ELP2: variants seen among roughly 807,000 people sequenced by gnomAD.
The protein encoded by ELP2 is elongator complex protein 2.
A neutral mutation model predicts 119.2 loss-of-function variants in ELP2; 90 were observed. That is an observed-to-expected ratio of 0.75 (90% confidence interval 0.64 to 0.90). ELP2 has a LOEUF of 0.90. ELP2 is among the 40% of genes least tolerant of loss of function. The pLI, the probability that ELP2 is intolerant of heterozygous loss-of-function variation, is 0.00. For missense variants in ELP2, 921 were observed against 967.8 expected, an observed-to-expected ratio of 0.95 and a Z score of 0.64; for synonymous variants, 339 against 331.0, an observed-to-expected ratio of 1.02 and a Z score of -0.26.
rs1297020373 is a variant in ELP2 at position 36,176,945 on chromosome 18, C to T, written c.*2304C>T. 1 of 151,952 alleles carries T rather than the reference C, an allele frequency of 6.6e-6. No homozygotes were observed. Among genetic ancestry groups the T allele is most frequent in the Non-Finnish European group, 1.5e-5 (1 of 68,002 alleles). The allele number at this position is 151,952 out of a possible 1,614,324, so 9.4% of individuals were successfully genotyped here. A position where few individuals can be genotyped will look rare whatever the true frequency, so the allele number is the denominator to read the frequency against. On this transcript the variant is annotated 3_prime_UTR_variant, in exon 22 of 22. Transcript: ENST00000358232. ...CCAACAATGGGCCCTTTCCTGTCTG[C>T]CAGGAAAAGTTTTCTGTAGTGACGC...
At position 36,156,522 on chromosome 18, in the gene ELP2, G is replaced by A; in HGVS notation, c.1332G>A (p.Leu444=). ...TACATGGGTATGACCTGAAATGTTT[G>A]GCAATGATTAATCGGTTTCAGTTTG... ...PQIHGYDLKC[L]AMINRFQFVS... is the part of the protein sequence containing the mutation. The change falls in exon 13 of 22, where the codon TTG becomes TTA. Residue 444 remains leucine (L), a synonymous_variant. Transcript: ENST00000358232. The A allele has an allele frequency of 6.2e-7, 1 of 1,614,076 alleles. No homozygotes were observed. Among genetic ancestry groups the A allele is most frequent in the Non-Finnish European group, 8.5e-7 (1 of 1,179,980 alleles).
chr18:36,159,473 G>A (rs2090666324), intron 14 of ELP2, among the ~76,000 whole-genome samples: 1 of 152,194 alleles, frequency 6.6e-6, no homozygotes, highest in Non-Finnish European at 1.5e-5. Context: ...TGAAGAGTTG[G>A]TTGTGTAGTT....
chr18:36,134,631 A>G (rs2089762935), intron 2 of ELP2, among the ~76,000 whole-genome samples: 1 of 152,184 alleles, frequency 6.6e-6, no homozygotes, highest in African/African-American at 2.4e-5. Flanking sequence ...TCATATAATC[A>G]AAAGCTTTTT....
Position 36,156,544 on chromosome 18 carries a change from T to A in ELP2, c.1354T>A (p.Phe452Ile), listed in dbSNP as rs766930677. ...TTTGGCAATGATTAATCGGTTTCAG[T>A]TTGTATCTGGAGCAGATGAAAAAGT... is the stretch of plus-strand genomic sequence containing the variant. Reference protein sequence around the residue: ...KCLAMINRFQFVSGADEKVLR... With the variant: ...KCLAMINRFQIVSGADEKVLR... Residue 452 changes from phenylalanine to isoleucine, a missense_variant, in exon 13 of 22, where the codon TTT becomes ATT. By Grantham distance (21) the Phe-to-Ile change is conservative. Coordinates refer to ENST00000358232, the MANE Select transcript of ELP2 (RefSeq NM_018255.4). The A allele has an allele frequency of 3.1e-6, 5 of 1,614,026 alleles. No individual in the cohort carries two copies. In the East Asian group the frequency reaches 1.1e-4, roughly 36 times the overall value.
chr18:36,158,341 T>G (rs990150343), intron 13 of ELP2, among the ~76,000 whole-genome samples: 2 of 152,198 alleles, frequency 1.3e-5, no homozygotes, highest in Non-Finnish European at 2.9e-5. Flanking sequence ...TCATACGAAG[T>G]TTTAAAATAC....
intron 19 of ELP2, 54 bp downstream of exon 19, chr18:36,167,276 G>A: frequency 1.5e-6 from 2 of 1,346,392 alleles, no homozygotes; most frequent in South Asian, 1.4e-5. Flanking sequence ...TATTTTTATA[G>A]GTATGTTTGA....
At chr18:36,167,877 C>A (rs2090955126) in intron 19 of ELP2, among the ~76,000 whole-genome samples, 1 of 151,984 alleles carries the variant, frequency 6.6e-6, no homozygotes, top group Non-Finnish European at 1.5e-5. Flanking sequence ...GGGGTCTTGC[C>A]ATGTTGCCAG....
At chr18:36,159,018 A>G (rs2090651851) in intron 14 of ELP2, 114 bp downstream of exon 14, 1 of 756,066 alleles carries the variant, frequency 1.3e-6, no homozygotes. Flanking sequence ...TTTAAATCAC[A>G]GTATATCTTT....
chr18:36,157,273 G>A (rs1000010237), intron 13 of ELP2, among the ~76,000 whole-genome samples: 14 of 152,304 alleles, frequency 9.2e-5, no homozygotes, highest in African/African-American at 3.4e-4. Flanking sequence ...AATTAAGTAG[G>A]AAGATAGGTT....
At chr18:36,160,359 G>A (rs1397065297) in intron 16 of ELP2, among the ~76,000 whole-genome samples, 1 of 152,042 alleles carries the variant, frequency 6.6e-6, no homozygotes, top group African/African-American at 2.4e-5. Flanking sequence ...AGGATCACTT[G>A]AGGCCAGGAG....
intron 8 of ELP2, among the ~76,000 whole-genome samples, chr18:36,143,805 T>C (rs530862737): frequency 1.3e-5 from 2 of 152,350 alleles, no homozygotes; most frequent in East Asian, 3.9e-4. Context: ...CTGAGGATAA[T>C]GTTTAGTGCT....
chr18:36,154,067 T>TTC (rs2090488373), intron 11 of ELP2, among the ~76,000 whole-genome samples: 1 of 64,448 alleles, frequency 1.6e-5, no homozygotes, highest in Non-Finnish European at 4.0e-5. Context: ...TGTCACAGGC[T>TTC]TTTTTTTTTT....
In ELP2 at chr18:36,141,200, A is replaced by C. The variant is rs1237798107; in HGVS notation, c.587A>C (p.Gln196Pro). The C allele has an allele frequency of 1.9e-6, 3 of 1,607,986 alleles. No individual in the cohort carries two copies. Among genetic ancestry groups the C allele is most frequent in the Non-Finnish European group, 2.6e-6 (3 of 1,174,456 alleles). ...CACATATTTGCTCAACAAAATGATC[A>C]GGTAATAATGTTTATATTAAGAGGC... ...RIHIFAQQND[Q>P]FQKVLSLCGH... The change falls in exon 6 of 22, where the codon CAG becomes CCG. Residue 196 changes from glutamine to proline, a missense_variant and splice_region_variant. Gln to Pro is a moderately conservative substitution (Grantham distance 76). Transcript: ENST00000358232.
chr18:36,132,232 C>T (rs1229900222), intron 1 of ELP2, among the ~76,000 whole-genome samples: 1 of 152,146 alleles, frequency 6.6e-6, no homozygotes, highest in Middle Eastern at 3.2e-3. Flanking sequence ...ATTTCAAATG[C>T]TAAAATAAAG....
chr18:36,140,508 A>G, intron 5 of ELP2, among the ~76,000 whole-genome samples: 1 of 151,992 alleles, frequency 6.6e-6, no homozygotes, highest in Non-Finnish European at 1.5e-5. Context: ...CACCACGCCC[A>G]GATAATTTTT....
At chr18:36,134,652 A>T (rs1243952618) in intron 2 of ELP2, among the ~76,000 whole-genome samples, 1 of 152,200 alleles carries the variant, frequency 6.6e-6, no homozygotes, top group Non-Finnish European at 1.5e-5. Flanking sequence ...GGGGTCCTCA[A>T]AAATTGTAAG....
At position 36,152,531 on chromosome 18, in the gene ELP2, T is replaced by C. The variant is rs117314192; in HGVS notation, c.1126-2319T>C. Among the ~76,000 whole-genome samples, 153 of 152,342 alleles carry C rather than the reference T, an allele frequency of 1.0e-3. 1 individual carries two copies. The East Asian group carries it at 0.028, about 28-fold the overall frequency. On this transcript the variant is annotated intron_variant, in intron 11 of 21. Transcript: ENST00000358232. ...GCAGGTGAATATCCCTGTCATCACA[T>C]AGCCAGTCTCACAAGGCTTGCATAC...
chr18:36,133,734 TTA>T (rs201084391), intron 2 of ELP2, among the ~76,000 whole-genome samples: 2,226 of 44,350 alleles, frequency 0.05, 55 homozygotes, highest in African/African-American at 0.1. Flanking sequence ...ATTTATTTAT[TTA>T]TTTTTTTTTT....
chr18:36,176,789 C>A lies in ELP2; in HGVS notation c.*2148C>A, dbSNP rs1417767540. ...AGCGATTCATAATATCTGAAGCAAT[C>A]CCCAGATACGGGTTAGGCATGGCCC... is the stretch of plus-strand genomic sequence containing the variant. On this transcript the variant is annotated 3_prime_UTR_variant, in exon 22 of 22. Coordinates refer to ENST00000358232, the MANE Select transcript of ELP2 (RefSeq NM_018255.4). The A allele has an allele frequency of 6.6e-6, 1 of 152,150 alleles. No individual in the cohort carries two copies. Among genetic ancestry groups the A allele is most frequent in the Non-Finnish European group, 1.5e-5 (1 of 68,040 alleles). The allele number at this position is 152,150 out of a possible 1,614,324, so 9.4% of individuals were successfully genotyped here. A position where few individuals can be genotyped will look rare whatever the true frequency, so the allele number is the denominator to read the frequency against.
Sources: gnomAD v4.1 joint callset for allele counts (sites outside exome capture counted in the v4.1 genomes callset) on GRCh38, gnomAD v4.1.1 for gene constraint, MANE v1.5 for transcripts, NCBI Gene and HGNC (gene_info 2026-07-23, HGNC 2026-07-21) for gene names.